The following ADGRG2 variants were observed in gnomAD, a reference collection of about 807,000 sequenced individuals.
ADGRG2 encodes the protein G protein-coupled receptor 64.
ADGRG2 carries 26 observed loss-of-function variants against 74.1 expected under a neutral mutation model. That is an observed-to-expected ratio of 0.35 (90% confidence interval 0.26 to 0.49). ADGRG2 has a LOEUF of 0.49. ADGRG2 is among the 20% of genes least tolerant of loss of function. The probability of loss-of-function intolerance (pLI) is 0.99; values close to 1 mark genes in which losing one functional copy is unlikely to be tolerated. For missense variants in ADGRG2, 619 were observed against 763.1 expected, an observed-to-expected ratio of 0.81 and a Z score of 2.22; for synonymous variants, 296 against 295.2, an observed-to-expected ratio of 1.00 and a Z score of -0.03.
intron 24 of ADGRG2, among the ~76,000 whole-genome samples, chrX:19,000,515 T>A (rs1479058257): frequency 1.8e-5 from 2 of 111,541 alleles, no homozygotes; most frequent in Non-Finnish European, 3.8e-5. Flanking sequence ...TTGCTCCACT[T>A]CCAGGCCTGC....
chrX:19,064,519 A>G (rs2061535551), intron 3 of ADGRG2, among the ~76,000 whole-genome samples: 3 of 111,682 alleles, frequency 2.7e-5, no homozygotes, highest in African/African-American at 6.5e-5. Flanking sequence ...GCCTTCAAAA[A>G]CCAGGCCTGA....
At chrX:19,029,835 A>G (rs1282092683) in intron 9 of ADGRG2, among the ~76,000 whole-genome samples, 2 of 111,279 alleles carry the variant, frequency 1.8e-5, no homozygotes, top group Non-Finnish European at 3.8e-5. Context: ...GGTGAACGGA[A>G]GAGTCAGAGA....
rs138525550 is a variant in ADGRG2, at chrX:19,064,551, C to T, written c.118+4166G>A. ...CTGAGCCATCCTGAACTAAAAGAAC[C>T]CCTGCCCCAGTCCAAAGCTATTGGA... On this transcript the variant is annotated intron_variant, in intron 3 of 28. Coordinates refer to ENST00000379869, the MANE Select transcript of ADGRG2 (RefSeq NM_001079858.3). Among the ~76,000 whole-genome samples, 3 of 112,177 alleles carry T rather than the reference C, an allele frequency of 2.7e-5. No homozygotes were observed. In the East Asian group the frequency reaches 8.4e-4, roughly 32 times the overall value.
intron 1 of ADGRG2, among the ~76,000 whole-genome samples, chrX:19,092,221 G>A (rs955982331): frequency 6.2e-5 from 7 of 112,134 alleles, no homozygotes; most frequent in African/African-American, 2.3e-4. Context: ...TGTATGGGAT[G>A]CTTTCTCGAA....
intron 26 of ADGRG2, among the ~76,000 whole-genome samples, chrX:18,997,255 T>G (rs947191885): frequency 1.8e-5 from 2 of 111,804 alleles, no homozygotes; most frequent in Non-Finnish European, 3.8e-5. Context: ...AATCAGAAGA[T>G]ATATATATAT....
rs539358972 is a variant in ADGRG2, at chrX:19,028,452, T to G, written c.359-214A>C. Among the ~76,000 whole-genome samples, 83 of 111,843 alleles carry G rather than the reference T, an allele frequency of 7.4e-4. 1 individual carries two copies. In the South Asian group the frequency reaches 0.03, roughly 40 times the overall value. ...TGGGAATTCAGAAAGAGAAAACTTG[T>G]CCCCTTGTTAAGAAATTTTATTCCT... On this transcript the variant is annotated intron_variant, in intron 9 of 28. Coordinates refer to ENST00000379869, the MANE Select transcript of ADGRG2 (RefSeq NM_001079858.3).
rs990392554 is a variant in ADGRG2 at position 19,041,857 on chromosome X, G to A, written c.119-1633C>T. ...AGGGTCTCACTCTGTTGCCCAGGCT[G>A]GAGTGCAGTGGTGCGGTTGTGGCTC... On this transcript the variant is annotated intron_variant, in intron 3 of 28. Transcript: ENST00000379869. Among the ~76,000 whole-genome samples, 9 of 112,056 alleles carry A rather than the reference G, an allele frequency of 8.0e-5. No individual in the cohort carries two copies. The Admixed American group carries it at 8.5e-4, about 11-fold the overall frequency.
chrX:19,095,487 C>T (rs1419142453), intron 1 of ADGRG2, among the ~76,000 whole-genome samples: 1 of 111,737 alleles, frequency 8.9e-6, no homozygotes, highest in Non-Finnish European at 1.9e-5. Context: ...ACAAAGGCCA[C>T]TCTCTCAAGG....
At position 19,055,274 on chromosome X, in the gene ADGRG2, G is replaced by A. The variant is rs199590077; in HGVS notation, c.118+13443C>T. Among the ~76,000 whole-genome samples the A allele has an allele frequency of 3.9e-3, 417 of 107,868 alleles. 2 individuals carry two copies. Among genetic ancestry groups the A allele is most frequent in the East Asian group, 0.018 (61 of 3,481 alleles). 93.7% of individuals were successfully genotyped at this position (107,868 alleles called of 115,157 possible). On this transcript the variant is annotated intron_variant, in intron 3 of 28. Coordinates refer to ENST00000379869, the MANE Select transcript of ADGRG2 (RefSeq NM_001079858.3). ...TGTGTGTGTGTGTGTGTGTGTGTATGTGTGTGTGTGTGCGCGCGCACGCGC... is the reference window on the plus strand; with the variant it reads ...TGTGTGTGTGTGTGTGTGTGTGTATATGTGTGTGTGTGCGCGCGCACGCGC...
chrX:19,029,556 C>CA (rs61539651), intron 9 of ADGRG2, among the ~76,000 whole-genome samples: 3,501 of 111,157 alleles, frequency 0.031, 134 homozygotes, highest in African/African-American at 0.11. Flanking sequence ...GGCAGGGTAC[C>CA]ATGGGGTTTC....
intron 1 of ADGRG2, among the ~76,000 whole-genome samples, chrX:19,085,470 A>G (rs2061922379): frequency 9.0e-6 from 1 of 110,939 alleles, no homozygotes; most frequent in Non-Finnish European, 1.9e-5. Context: ...CTAAGACTAC[A>G]GTCACGTGCA....
chrX:19,060,274 A>C (rs2061468888), intron 3 of ADGRG2, among the ~76,000 whole-genome samples: 1 of 112,874 alleles, frequency 8.9e-6, no homozygotes, highest in African/African-American at 3.2e-5. Flanking sequence ...TCCATTTTGA[A>C]ATCAAGAGAT....
At chrX:19,024,003 G>A (rs1210849046) in intron 11 of ADGRG2, 55 bp from the exon 12 acceptor site, 18 of 857,082 alleles carry the variant, frequency 2.1e-5, no homozygotes, top group Middle Eastern at 2.7e-4. Context: ...ATATTAAATT[G>A]AAAACATGTT....
rs867937659 is a variant in ADGRG2, at chrX:19,012,954, G to A, written c.1099+732C>T. Among the ~76,000 whole-genome samples, 20 of 111,555 alleles carry A rather than the reference G, an allele frequency of 1.8e-4. No individual in the cohort carries two copies. The Middle Eastern group carries it at 0.014, about 77-fold the overall frequency. The stretch of plus-strand genomic sequence containing the variant: ...CACTTTGGACCCTGGAGGCCTTGGC[G>A]GTTTCCACAGCATTCTCACGTACAC... On this transcript the variant is annotated intron_variant, in intron 16 of 28. Transcript: ENST00000379869.
chrX:19,105,372 G>A (rs1430080840), intron 1 of ADGRG2, among the ~76,000 whole-genome samples: 1 of 112,471 alleles, frequency 8.9e-6, no homozygotes, highest in African/African-American at 3.2e-5. Context: ...ATTTGGCAGT[G>A]ACAATCATCC....
At chrX:19,121,434 G>A (rs1669693456) in intron 1 of ADGRG2, among the ~76,000 whole-genome samples, 1 of 111,524 alleles carries the variant, frequency 9.0e-6, no homozygotes, top group Non-Finnish European at 1.9e-5. Flanking sequence ...GGCCTTTATA[G>A]TAGCAAGTGT....
intron 11 of ADGRG2, among the ~76,000 whole-genome samples, chrX:19,026,692 C>T (rs1601927496): frequency 9.0e-6 from 1 of 110,569 alleles, no homozygotes; most frequent in African/African-American, 3.3e-5. Flanking sequence ...GATGGGATTT[C>T]ACCATGTTCG....
At chrX:19,048,451 G>T (rs1601989880) in intron 3 of ADGRG2, among the ~76,000 whole-genome samples, 1 of 111,630 alleles carries the variant, frequency 9.0e-6, no homozygotes, top group Non-Finnish European at 1.9e-5. Context: ...CAAGTAACTT[G>T]CCCAAGATTA....
chrX:19,109,563 T>C (rs1228609475), intron 1 of ADGRG2, among the ~76,000 whole-genome samples: 1 of 111,881 alleles, frequency 8.9e-6, no homozygotes, highest in East Asian at 2.8e-4. Flanking sequence ...GGTGCCCTTT[T>C]CTCAGATTTC....
Sources: allele counts gnomAD v4.1 joint callset (sites outside exome capture counted in the v4.1 genomes callset), GRCh38; gene constraint gnomAD v4.1.1; transcripts MANE v1.5; gene names NCBI Gene and HGNC (gene_info 2026-07-23, HGNC 2026-07-21).